The following CCDC169 variants were observed in gnomAD, a reference collection of about 807,000 sequenced individuals.
The protein encoded by CCDC169 is coiled-coil domain containing 169, also known as coiled-coil domain-containing protein 169.
In CCDC169, 30 loss-of-function variants were observed where a neutral mutation model predicts 36.0. The observed-to-expected ratio is 0.83, with a 90% CI of 0.62 to 1.13. The LOEUF (loss-of-function observed/expected upper bound fraction) is 1.13. Ranked by LOEUF, CCDC169 falls within the 50% of genes most tolerant of loss-of-function variation. CCDC169 has a pLI of 0.00. For missense variants in CCDC169, 245 were observed against 245.9 expected, an observed-to-expected ratio of 1.00 and a Z score of 0.03; for synonymous variants, 85 against 81.5, an observed-to-expected ratio of 1.04 and a Z score of -0.23.
chr13:36,230,435 C>T (rs1204046848), downstream of CCDC169, among the ~76,000 whole-genome samples: 4 of 152,226 alleles, frequency 2.6e-5, no homozygotes, highest in Admixed American at 2.0e-4. Context: ...CACATCTGGA[C>T]TTGAGTATTG....
At chr13:36,272,407 G>A (rs954217406) in intron 4 of CCDC169, among the ~76,000 whole-genome samples, 6 of 152,146 alleles carry the variant, frequency 3.9e-5, no homozygotes, top group Admixed American at 6.5e-5. Flanking sequence ...GTATAAACCT[G>A]ATACAAAAGT....
intron 4 of CCDC169, among the ~76,000 whole-genome samples, chr13:36,259,218 G>A (rs1874308399): frequency 6.6e-6 from 1 of 152,086 alleles, no homozygotes; most frequent in South Asian, 2.1e-4. Context: ...CCTGACCCCT[G>A]GCGATGAGCT....
At chr13:36,273,460 AT>A (rs1876366725) in intron 4 of CCDC169, among the ~76,000 whole-genome samples, 1 of 152,176 alleles carries the variant, frequency 6.6e-6, no homozygotes, top group Non-Finnish European at 1.5e-5. Flanking sequence ...TATAAAAAAA[AT>A]ATCCTGAGGC....
intron 4 of CCDC169, among the ~76,000 whole-genome samples, chr13:36,282,163 A>G (rs576202561): frequency 6.6e-6 from 1 of 152,294 alleles, no homozygotes; most frequent in South Asian, 2.1e-4. Flanking sequence ...TAAACAATCC[A>G]CAACAAGGAT....
chr13:36,230,023 T>C (rs1363610376), downstream of CCDC169, among the ~76,000 whole-genome samples: 1 of 152,234 alleles, frequency 6.6e-6, no homozygotes, highest in Non-Finnish European at 1.5e-5. Flanking sequence ...AAAGTTACTT[T>C]ATATTTTTCC....
chr13:36,267,292 A>G (rs1480766838), intron 4 of CCDC169: 1 of 152,228 alleles, frequency 6.6e-6, no homozygotes, highest in African/African-American at 2.4e-5. Context: ...AGAAAAGATA[A>G]GAGTCCTATC....
intron 4 of CCDC169, among the ~76,000 whole-genome samples, chr13:36,255,287 G>A (rs758771383): frequency 1.3e-5 from 2 of 152,168 alleles, no homozygotes; most frequent in South Asian, 2.1e-4. Context: ...CCCATCATGC[G>A]TTCTCCATGC....
At chr13:36,275,875 G>A (rs9547063) in intron 4 of CCDC169, among the ~76,000 whole-genome samples, 37,622 of 152,080 alleles carry the variant, frequency 0.25, 5,017 homozygotes, top group East Asian at 0.49. Flanking sequence ...AGGTCAATGA[G>A]TAATAAGACT....
intron 4 of CCDC169, chr13:36,282,740 A>G (rs1212958674): frequency 6.0e-6 from 1 of 165,452 alleles, no homozygotes; most frequent in Non-Finnish European, 1.2e-5. Flanking sequence ...AGGAAAATAA[A>G]TGTATTTTTT....
intron 4 of CCDC169, among the ~76,000 whole-genome samples, chr13:36,254,422 C>T (rs1190205302): frequency 6.6e-6 from 1 of 151,720 alleles, no homozygotes; most frequent in Admixed American, 6.6e-5. Context: ...ATTACAGGCA[C>T]CTGCAACCAT....
At chr13:36,290,944 C>T (rs9547086) in intron 2 of CCDC169, among the ~76,000 whole-genome samples, 38,180 of 150,848 alleles carry the variant, frequency 0.25, 5,115 homozygotes, top group East Asian at 0.49. Flanking sequence ...CTATGGATAC[C>T]ACCTCTGCAT....
intron 4 of CCDC169, among the ~76,000 whole-genome samples, chr13:36,275,127 A>G (rs1472629936): frequency 6.6e-6 from 1 of 152,062 alleles, no homozygotes; most frequent in Non-Finnish European, 1.5e-5. Context: ...TCGGCCTCCC[A>G]AAGTGCTGGG....
At chr13:36,234,128 C>T (rs750639605) in intron 7 of CCDC169, among the ~76,000 whole-genome samples, 6 of 152,196 alleles carry the variant, frequency 3.9e-5, no homozygotes, top group African/African-American at 1.4e-4. Context: ...TCTAAGCCCC[C>T]ACTCTTTCTG....
intron 4 of CCDC169, among the ~76,000 whole-genome samples, chr13:36,259,526 A>C (rs891403815): frequency 1.3e-5 from 2 of 152,172 alleles, no homozygotes; most frequent in African/African-American, 4.8e-5. Flanking sequence ...GGGGTTATTA[A>C]CTAAAAGAAC....
At chr13:36,294,413 T>C (rs1209383932) in intron 2 of CCDC169, among the ~76,000 whole-genome samples, 2 of 152,118 alleles carry the variant, frequency 1.3e-5, no homozygotes, top group African/African-American at 2.4e-5. Flanking sequence ...ATCTAAGATA[T>C]AGATATGGAG....
At chr13:36,294,803 A>C (rs922682335) in intron 2 of CCDC169, among the ~76,000 whole-genome samples, 2 of 152,134 alleles carry the variant, frequency 1.3e-5, no homozygotes, top group African/African-American at 4.8e-5. Flanking sequence ...TGCACCAGTA[A>C]TTAGAACAGA....
intron 6 of CCDC169, among the ~76,000 whole-genome samples, chr13:36,252,595 C>T (rs1203369935): frequency 6.6e-6 from 1 of 152,186 alleles, no homozygotes; most frequent in Non-Finnish European, 1.5e-5. Flanking sequence ...CTCTTCCTCC[C>T]TTGACTGTCA....
At chr13:36,258,948 T>C (rs1322181275) in intron 4 of CCDC169, among the ~76,000 whole-genome samples, 5 of 152,158 alleles carry the variant, frequency 3.3e-5, no homozygotes, top group Non-Finnish European at 5.9e-5. Context: ...ATGTCATCTG[T>C]CACAGGTGTG....
intron 7 of CCDC169, among the ~76,000 whole-genome samples, chr13:36,242,841 G>A (rs1209887575): frequency 6.6e-6 from 1 of 152,152 alleles, no homozygotes; most frequent in Non-Finnish European, 1.5e-5. Context: ...CTGTGGTGTG[G>A]AGGGCCTCAC....
Sources: allele counts gnomAD v4.1 joint callset (sites outside exome capture counted in the v4.1 genomes callset), GRCh38; gene constraint gnomAD v4.1.1; transcripts MANE v1.5; gene names NCBI Gene and HGNC (gene_info 2026-07-23, HGNC 2026-07-21).